Variants in CLIP4 observed in about 807,000 individuals in gnomAD.
CLIP4 encodes CAP-Gly domain containing linker protein family member 4, also known as CAP-Gly domain-containing linker protein 4.
In CLIP4, 47 loss-of-function variants were observed where a neutral mutation model predicts 73.1. The ratio of observed to expected loss-of-function variants is 0.64; its 90% CI spans 0.51 to 0.82. The LOEUF is 0.82. CLIP4 is among the 40% of genes least tolerant of loss of function. The pLI is 0.00. For missense variants in CLIP4, 874 were observed against 852.9 expected (o/e 1.02, Z -0.31); for synonymous variants, 306 against 295.4 (o/e 1.04, Z -0.37).
At chr2:29,175,905 G>T (rs1334762337) in intron 15 of CLIP4, among the ~76,000 whole-genome samples, 1 of 151,316 alleles carries the variant, frequency 6.6e-6, no homozygotes. Context: ...GGGACTACAG[G>T]CGCCCGCCAC....
chr2:29,167,855 T>G lies in CLIP4; in HGVS notation c.1723+315T>G, dbSNP rs138020307. 105 of 202,066 alleles carry G rather than the reference T, an allele frequency of 5.2e-4. 1 individual carries two copies. The East Asian group carries it at 9.0e-3, about 17-fold the overall frequency. 12.5% of individuals were successfully genotyped at this position (202,066 alleles called of 1,614,324 possible). On this transcript the variant is annotated intron_variant, in intron 14 of 15. Transcript: ENST00000320081. ...TATTTTTGTCACCCATATATAGATA[T>G]ATCAATAAATAATATGTGTTCAGTT...
intron 10 of CLIP4, 103 bp downstream of exon 10, chr2:29,156,546 C>A: frequency 2.5e-6 from 2 of 794,434 alleles, no homozygotes; most frequent in Non-Finnish European, 3.9e-6. Flanking sequence ...TTAAAGTTGG[C>A]AAGGGAAAAA....
At chr2:29,170,817 G>C (rs1311017539) in intron 14 of CLIP4, among the ~76,000 whole-genome samples, 1 of 151,740 alleles carries the variant, frequency 6.6e-6, no homozygotes, top group Non-Finnish European at 1.5e-5. Flanking sequence ...TTTCACATGT[G>C]AATGTCCAGT....
Position 29,143,945 on chromosome 2 carries a change from G to A in CLIP4, c.885G>A (p.Lys295=). 1 of 1,613,230 alleles carries A rather than the reference G, an allele frequency of 6.2e-7. No individual in the cohort carries two copies. The highest frequency in any genetic ancestry group is 8.5e-7 in the Non-Finnish European group (1 of 1,179,170). ...LGDRVVIAGQ[K]VGTLRFCGTT... is the part of the protein sequence containing the mutation. ...ATCGTGTTGTTATTGCAGGACAGAAGGTACAGTAAGTAACTGCAATCTCTG... is the reference window on the plus strand; with the variant it reads ...ATCGTGTTGTTATTGCAGGACAGAAAGTACAGTAAGTAACTGCAATCTCTG... Residue 295 remains lysine, a splice_region_variant and synonymous_variant, in exon 7 of 16, where the codon AAG becomes AAA. Transcript: ENST00000320081.
chr2:29,107,133 G>A (rs566240369), intron 1 of CLIP4, among the ~76,000 whole-genome samples: 47 of 152,172 alleles, frequency 3.1e-4, no homozygotes, highest in African/African-American at 1.1e-3. Context: ...CTCTGTGGCA[G>A]CTCCAATGGG....
chr2:29,140,963 G>C (rs936677373), intron 6 of CLIP4, among the ~76,000 whole-genome samples: 1 of 152,054 alleles, frequency 6.6e-6, no homozygotes, highest in Admixed American at 6.6e-5. Flanking sequence ...CTTGATACAG[G>C]CGTTTTGTAC....
chr2:29,153,919 A>G (rs138817939), intron 9 of CLIP4, among the ~76,000 whole-genome samples: 139 of 152,336 alleles, frequency 9.1e-4, no homozygotes, highest in Middle Eastern at 6.8e-3. Context: ...ACCCTTCCGT[A>G]TACATTTTAC....
intron 1 of CLIP4, among the ~76,000 whole-genome samples, chr2:29,108,878 C>T (rs1455317020): frequency 1.3e-5 from 2 of 152,142 alleles, no homozygotes; most frequent in Non-Finnish European, 2.9e-5. Context: ...AATATTTTCA[C>T]ATTTGTTTGT....
chr2:29,176,188 C>T (rs984408875), intron 15 of CLIP4, among the ~76,000 whole-genome samples: 1 of 152,232 alleles, frequency 6.6e-6, no homozygotes, highest in Non-Finnish European at 1.5e-5. Flanking sequence ...GGACATTTGT[C>T]CCTGCTCTTA....
At chr2:29,146,746 C>G (rs1666198246) in intron 8 of CLIP4, among the ~76,000 whole-genome samples, 1 of 152,148 alleles carries the variant, frequency 6.6e-6, no homozygotes, top group South Asian at 2.1e-4. Context: ...TACTTACCAG[C>G]TATGTGACTG....
chr2:29,144,364 A>C (rs2147996832), intron 7 of CLIP4, among the ~76,000 whole-genome samples: 1 of 152,312 alleles, frequency 6.6e-6, no homozygotes, highest in Admixed American at 6.5e-5. Flanking sequence ...CAAATAGGGC[A>C]GTCTGAGATA....
chr2:29,170,723 A>G (rs1166134035), intron 14 of CLIP4, among the ~76,000 whole-genome samples: 1 of 152,032 alleles, frequency 6.6e-6, no homozygotes, highest in Non-Finnish European at 1.5e-5. Context: ...TAGGAGTTTT[A>G]TAGTTTTGTG....
chr2:29,145,482 C>A, intron 8 of CLIP4, 115 bp downstream of exon 8: 1 of 821,168 alleles, frequency 1.2e-6, no homozygotes, highest in South Asian at 2.3e-5. Context: ...AAATGAGGGG[C>A]ATGTGGATGT....
At chr2:29,166,414 A>C (rs1275627238) in intron 13 of CLIP4, among the ~76,000 whole-genome samples, 1 of 151,616 alleles carries the variant, frequency 6.6e-6, no homozygotes, top group Non-Finnish European at 1.5e-5. Flanking sequence ...CCCGCCTACT[A>C]TTGCCTAACT....
At chr2:29,168,031 A>T (rs75059398) in intron 14 of CLIP4, among the ~76,000 whole-genome samples, 11,771 of 152,172 alleles carry the variant, frequency 0.077, 498 homozygotes, top group African/African-American at 0.1. Context: ...CAGGTGTGGG[A>T]TACCTGCGTC....
intron 11 of CLIP4, among the ~76,000 whole-genome samples, chr2:29,158,450 A>T (rs1180503450): frequency 2.0e-5 from 3 of 152,126 alleles, no homozygotes; most frequent in African/African-American, 7.2e-5. Flanking sequence ...TTTGAGGGTT[A>T]TGTCGACTTA....
chr2:29,103,800 G>A lies in CLIP4; in HGVS notation c.-16+5853G>A, dbSNP rs182261144. Among the ~76,000 whole-genome samples, 533 of 151,532 alleles carry A rather than the reference G, an allele frequency of 3.5e-3. 2 individuals are homozygous for A. The highest frequency in any genetic ancestry group is 0.012 in the African/African-American group (496 of 41,266). On this transcript the variant is annotated intron_variant, in intron 1 of 14. Coordinates refer to the CLIP4 transcript ENST00000401605. ...ATGATCTCAGCTCATTGCAGCCTCC[G>A]CCTCCTGGGTTCAAGCTATTCTCCT...
intron 13 of CLIP4, among the ~76,000 whole-genome samples, chr2:29,164,644 A>C (rs975838757): frequency 6.6e-6 from 1 of 152,206 alleles, no homozygotes; most frequent in Non-Finnish European, 1.5e-5. Context: ...ACTAATCTTT[A>C]AATGAGAGAT....
chr2:29,132,831 A>C (rs1289657334), intron 4 of CLIP4, among the ~76,000 whole-genome samples: 6 of 152,208 alleles, frequency 3.9e-5, no homozygotes, highest in Non-Finnish European at 8.8e-5. Context: ...AAATAAAATA[A>C]AAATGAATTT....
Sources: allele counts gnomAD v4.1 joint callset (sites outside exome capture counted in the v4.1 genomes callset), GRCh38; gene constraint gnomAD v4.1.1; transcripts MANE v1.5; gene names NCBI Gene and HGNC (gene_info 2026-07-23, HGNC 2026-07-21).